CDH18: variants seen among roughly 807,000 people sequenced by gnomAD.
CDH18 encodes the protein cadherin 18, also known as cadherin-18.
Under a neutral mutation model 67.9 loss-of-function variants are expected in CDH18, and 31 were observed. The observed-to-expected ratio is 0.46, with a 90% CI of 0.34 to 0.62. CDH18 has a LOEUF of 0.62. CDH18 is among the 20% of genes least tolerant of loss of function. CDH18 has a pLI of 0.01. For missense variants in CDH18, 890 were observed against 975.5 expected, an observed-to-expected ratio of 0.91 and a Z score of 1.17; for synonymous variants, 362 against 347.2, an observed-to-expected ratio of 1.04 and a Z score of -0.48.
intron 11 of CDH18, among the ~76,000 whole-genome samples, chr5:19,485,943 T>G (rs1047531461): frequency 2.0e-5 from 3 of 152,172 alleles, no homozygotes; most frequent in Admixed American, 6.5e-5. Context: ...AGCATGCTAT[T>G]TTCAGGAAAA....
intron 1 of CDH18, among the ~76,000 whole-genome samples, chr5:20,359,945 A>G (rs1173058305): frequency 1.3e-5 from 2 of 151,458 alleles, no homozygotes; most frequent in East Asian, 3.9e-4. Context: ...GAAATATATA[A>G]TAATCTATTA....
chr5:20,352,834 C>A (rs1167914578), intron 1 of CDH18, among the ~76,000 whole-genome samples: 1 of 151,720 alleles, frequency 6.6e-6, no homozygotes, highest in Non-Finnish European at 1.5e-5. Flanking sequence ...ATGTTCTTTT[C>A]ATTGATGACA....
intron 2 of CDH18, among the ~76,000 whole-genome samples, chr5:20,105,658 A>G (rs555831011): frequency 2.0e-5 from 3 of 152,210 alleles, no homozygotes; most frequent in Admixed American, 6.5e-5. Flanking sequence ...TAAACGTGGA[A>G]TTATGCAGTA....
intron 4 of CDH18, among the ~76,000 whole-genome samples, chr5:19,725,282 G>T (rs6896390): frequency 6.6e-6 from 1 of 152,030 alleles, no homozygotes; most frequent in African/African-American, 2.4e-5. Context: ...CGATATTCAA[G>T]CCTCCAACTT....
intron 5 of CDH18, among the ~76,000 whole-genome samples, chr5:19,634,426 TC>T (rs1208827335): frequency 2.0e-5 from 3 of 152,136 alleles, no homozygotes; most frequent in Non-Finnish European, 4.4e-5. Context: ...CTCAATTTCT[TC>T]CTTTAGAAAA....
Position 19,559,698 on chromosome 5 carries a change from T to C in CDH18, c.1253+11881A>G, listed in dbSNP as rs995601163. 2.0e-5 allele frequency among the ~76,000 whole-genome samples: 3 copies of C among 152,100 alleles called. No individual in the cohort carries two copies. The South Asian group carries it at 6.2e-4, about 32-fold the overall frequency. ...GAGAAAGAAATAAAGGACATCCAAT[T>C]GATAATGATGAAGTCAGATTGTTGC... On this transcript the variant is annotated intron_variant, in intron 8 of 12. Transcript: ENST00000382275.
Position 20,165,683 on chromosome 5 carries a change from T to C in CDH18, c.-518+89761A>G, listed in dbSNP as rs184926599. ...CTCCCAATGAAATCGTTGACTCATT[T>C]TCCTAAACTACCTAAAATATATTCA... On this transcript the variant is annotated intron_variant, in intron 2 of 14. Transcript: ENST00000507958. Among the ~76,000 whole-genome samples, 9 of 152,266 alleles carry C rather than the reference T, an allele frequency of 5.9e-5. No homozygotes were observed. The East Asian group carries it at 1.7e-3, about 29-fold the overall frequency.
chr5:19,514,234 C>T (rs1158904536), intron 10 of CDH18, among the ~76,000 whole-genome samples: 1 of 152,166 alleles, frequency 6.6e-6, no homozygotes. Flanking sequence ...TTTTCTTAAT[C>T]CAGTCTATCA....
At chr5:20,477,997 G>A (rs917620927) in intron 1 of CDH18, among the ~76,000 whole-genome samples, 1 of 152,116 alleles carries the variant, frequency 6.6e-6, no homozygotes, top group Non-Finnish European at 1.5e-5. Context: ...ACACACCCTG[G>A]GTAAGAAGGG....
At chr5:19,915,173 GAGA>G (rs990075210) in intron 2 of CDH18, among the ~76,000 whole-genome samples, 1 of 152,030 alleles carries the variant, frequency 6.6e-6, no homozygotes, top group African/African-American at 2.4e-5. Context: ...AGTCTCTTTA[GAGA>G]CTCTTCTACT....
At chr5:20,334,753 T>C (rs200348054) in intron 1 of CDH18, among the ~76,000 whole-genome samples, 11,629 of 138,412 alleles carry the variant, frequency 0.084, 765 homozygotes, top group East Asian at 0.18. Flanking sequence ...CTCTCTCTCA[T>C]ACACACACAC....
chr5:19,646,079 G>A (rs191546650), intron 5 of CDH18, among the ~76,000 whole-genome samples: 41 of 152,184 alleles, frequency 2.7e-4, no homozygotes, highest in Admixed American at 7.9e-4. Context: ...AGAAATAGAG[G>A]TGAAAATAAA....
intron 1 of CDH18, among the ~76,000 whole-genome samples, chr5:20,384,375 T>C (rs766598000): frequency 1.8e-4 from 27 of 152,206 alleles, no homozygotes; most frequent in Non-Finnish European, 3.8e-4. Flanking sequence ...TTTCATCTAG[T>C]GTAATGTCAA....
At chr5:19,990,153 A>G (rs1164694191), upstream of CDH18, among the ~76,000 whole-genome samples, 1 of 152,192 alleles carries the variant, frequency 6.6e-6, no homozygotes, top group Non-Finnish European at 1.5e-5. Context: ...TGAGTGCCCA[A>G]AGAAAGAAAT....
intron 2 of CDH18, among the ~76,000 whole-genome samples, chr5:20,217,395 G>A (rs1218579618): frequency 6.6e-6 from 1 of 151,712 alleles, no homozygotes; most frequent in Non-Finnish European, 1.5e-5. Flanking sequence ...AAAACAGAGA[G>A]TTTTATTAGT....
At chr5:19,600,199 C>T (rs761594661) in intron 6 of CDH18, among the ~76,000 whole-genome samples, 4 of 49,274 alleles carry the variant, frequency 8.1e-5, no homozygotes, top group East Asian at 5.0e-4. Flanking sequence ...CGGGGCCTGT[C>T]GTGGGTGGGG....
intron 1 of CDH18, among the ~76,000 whole-genome samples, chr5:20,548,829 T>G (rs1209101807): frequency 6.6e-6 from 1 of 152,130 alleles, no homozygotes; most frequent in Non-Finnish European, 1.5e-5. Flanking sequence ...TACACACAGG[T>G]AGCTATGGGT....
At chr5:19,500,981 A>G (rs1331531378) in intron 11 of CDH18, among the ~76,000 whole-genome samples, 1 of 150,804 alleles carries the variant, frequency 6.6e-6, no homozygotes, top group Non-Finnish European at 1.5e-5. Context: ...AAAATACAAA[A>G]AAATTGCCAG....
intron 1 of CDH18, among the ~76,000 whole-genome samples, chr5:20,408,851 T>G (rs1746523786): frequency 6.6e-6 from 1 of 151,826 alleles, no homozygotes; most frequent in African/African-American, 2.4e-5. Flanking sequence ...ATTCTAGATT[T>G]AAATAAATAA....
Sources: gnomAD v4.1 joint callset for allele counts (sites outside exome capture counted in the v4.1 genomes callset) on GRCh38, gnomAD v4.1.1 for gene constraint, MANE v1.5 for transcripts, NCBI Gene and HGNC (gene_info 2026-07-23, HGNC 2026-07-21) for gene names.